The following LAMA2 variants were observed in gnomAD, a reference collection of about 807,000 sequenced individuals.
The protein encoded by LAMA2 is laminin subunit alpha 2, also known as laminin subunit alpha-2.
In LAMA2, 269 loss-of-function variants were observed where a neutral mutation model predicts 364.8. The ratio of observed to expected loss-of-function variants is 0.74; its 90% CI spans 0.67 to 0.82. The LOEUF (loss-of-function observed/expected upper bound fraction) is 0.82. Among genes scored for constraint, LAMA2 ranks in the 40% least tolerant of loss-of-function variants. The pLI is 0.00. For synonymous variants in LAMA2, 1,379 were observed against 1,370.6 expected (o/e 1.01, Z -0.14); for missense variants, 3,807 against 3,873.2 (o/e 0.98, Z 0.45).
At chr6:128,904,540 C>T (rs536694177) in intron 1 of LAMA2, among the ~76,000 whole-genome samples, 5 of 151,020 alleles carry the variant, frequency 3.3e-5, no homozygotes, top group African/African-American at 7.3e-5. Flanking sequence ...CTGCAACCTC[C>T]GCCTCCCGGG....
chr6:129,366,250 C>A lies in LAMA2; in HGVS notation c.4749C>A (p.Leu1583=), dbSNP rs754850670. ...GAGATGAGTGCACTGGCCTTCTTCT[C>A]GGTGACTTGGCTCGCCTGGAGCAGA... ...FCGDECTGLL[L]GDLARLEQMV... Residue 1583 remains leucine, a synonymous_variant, in exon 33 of 65, where the codon CTC becomes CTA. Coordinates refer to ENST00000421865, the MANE Select transcript of LAMA2 (RefSeq NM_000426.4). 3 of 1,613,892 alleles carry A rather than the reference C, an allele frequency of 1.9e-6. No individual in the cohort carries two copies. In the East Asian group the frequency reaches 6.7e-5, roughly 36 times the overall value.
intron 17 of LAMA2, among the ~76,000 whole-genome samples, chr6:129,275,511 C>G (rs759198370): frequency 6.6e-6 from 1 of 151,844 alleles, no homozygotes; most frequent in Non-Finnish European, 1.5e-5. Context: ...AATTTAATGT[C>G]AGACAAACTG....
intron 3 of LAMA2, among the ~76,000 whole-genome samples, chr6:129,064,325 A>G (rs992267222): frequency 6.6e-6 from 1 of 151,056 alleles, no homozygotes; most frequent in South Asian, 2.1e-4. Flanking sequence ...AAGAAGAAAG[A>G]TCTAAAATTA....
At position 129,453,500 on chromosome 6, in the gene LAMA2, G is replaced by A. The variant is rs148573809; in HGVS notation, c.6573+369G>A. Reference sequence around the variant, plus strand: ...AAACTAAATTACAATAAACTCTTCCGTTAATGAAATGAAAATAGCAAAGTG... The same window carrying A: ...AAACTAAATTACAATAAACTCTTCCATTAATGAAATGAAAATAGCAAAGTG... On this transcript the variant is annotated intron_variant, in intron 46 of 64. Coordinates refer to ENST00000421865, the MANE Select transcript of LAMA2 (RefSeq NM_000426.4). Among the ~76,000 whole-genome samples, 301 of 152,016 alleles carry A rather than the reference G, an allele frequency of 2.0e-3. 1 individual carries two copies. The highest frequency in any genetic ancestry group is 8.5e-4 in the Admixed American group (13 of 15,268).
chr6:129,320,183 A>G (rs1774873619), intron 27 of LAMA2, among the ~76,000 whole-genome samples: 1 of 151,962 alleles, frequency 6.6e-6, no homozygotes, highest in Non-Finnish European at 1.5e-5. Context: ...AGAAAAGAAT[A>G]GGAAGAGCAA....
At chr6:129,052,697 G>A (rs1788165627) in intron 2 of LAMA2, among the ~76,000 whole-genome samples, 1 of 151,910 alleles carries the variant, frequency 6.6e-6, no homozygotes, top group South Asian at 2.1e-4. Flanking sequence ...TTATGGGTTT[G>A]GACAAACTTA....
intron 1 of LAMA2, among the ~76,000 whole-genome samples, chr6:128,984,839 A>C (rs1783116691): frequency 6.6e-6 from 1 of 152,162 alleles, no homozygotes; most frequent in Non-Finnish European, 1.5e-5. Context: ...AAAACAACAT[A>C]AATTCCATGT....
At chr6:128,985,651 G>T (rs1049484136) in intron 1 of LAMA2, among the ~76,000 whole-genome samples, 2 of 151,890 alleles carry the variant, frequency 1.3e-5, no homozygotes, top group Non-Finnish European at 2.9e-5. Flanking sequence ...CACATTACTT[G>T]CTTCAATAAT....
At chr6:128,885,451 G>T (rs1397252592) in intron 1 of LAMA2, among the ~76,000 whole-genome samples, 1 of 152,140 alleles carries the variant, frequency 6.6e-6, no homozygotes, top group Non-Finnish European at 1.5e-5. Context: ...TTCCGGTATT[G>T]TTTGTGCTGA....
At chr6:129,325,109 C>T (rs1775195131) in intron 28 of LAMA2, among the ~76,000 whole-genome samples, 1 of 152,192 alleles carries the variant, frequency 6.6e-6, no homozygotes, top group South Asian at 2.1e-4. Flanking sequence ...TAGGTCTCTA[C>T]AGTCTGCTTC....
At chr6:129,262,681 T>C (rs1787214838) in intron 15 of LAMA2, among the ~76,000 whole-genome samples, 2 of 152,198 alleles carry the variant, frequency 1.3e-5, no homozygotes, top group Non-Finnish European at 2.9e-5. Flanking sequence ...ATCAAAACTT[T>C]CTGTCCCTAA....
chr6:128,913,431 T>C (rs1185642070), intron 1 of LAMA2, among the ~76,000 whole-genome samples: 1 of 152,238 alleles, frequency 6.6e-6, no homozygotes, highest in Admixed American at 6.5e-5. Flanking sequence ...CTCCTCAGGC[T>C]TCTGGCTGTG....
chr6:129,333,681 C>T (rs1052292417), intron 29 of LAMA2, among the ~76,000 whole-genome samples: 1 of 152,040 alleles, frequency 6.6e-6, no homozygotes, highest in Non-Finnish European at 1.5e-5. Context: ...ATTCAATAGG[C>T]AATTTGAGAG....
rs541962147 is a variant in LAMA2 at position 129,258,068 on chromosome 6, G to A, written c.2097-2643G>A. On this transcript the variant is annotated intron_variant, in intron 14 of 64. Coordinates refer to ENST00000421865, the MANE Select transcript of LAMA2 (RefSeq NM_000426.4). Reference sequence around the variant, plus strand: ...CATCCATTCATCAATTCACCCATTCGACAAAAGTCTACTGAACATGAACAT... The same window carrying A: ...CATCCATTCATCAATTCACCCATTCAACAAAAGTCTACTGAACATGAACAT... Among the ~76,000 whole-genome samples the A allele has an allele frequency of 8.6e-5, 13 of 151,838 alleles. No individual in the cohort carries two copies. The South Asian group carries it at 2.5e-3, about 29-fold the overall frequency.
At position 129,088,606 on chromosome 6, in the gene LAMA2, G is replaced by A. The variant is rs374761796; in HGVS notation, c.397-9567G>A. On this transcript the variant is annotated intron_variant, in intron 3 of 64. Coordinates refer to ENST00000421865, the MANE Select transcript of LAMA2 (RefSeq NM_000426.4). ...CTCCCTCCCGGACGGGGTGGCTGCC[G>A]GGCGGAGACGCTCCTCACTTCCCAG... Among the ~76,000 whole-genome samples the A allele has an allele frequency of 7.4e-4, 112 of 151,736 alleles. 1 individual carries two copies. The East Asian group carries it at 0.017, about 23-fold the overall frequency.
chr6:129,232,766 G>A (rs190973713), intron 12 of LAMA2, among the ~76,000 whole-genome samples: 36 of 152,250 alleles, frequency 2.4e-4, no homozygotes, highest in Non-Finnish European at 4.9e-4. Context: ...CCTTAAGGTG[G>A]GAAGATGATC....
chr6:128,963,047 G>T (rs983051357), intron 1 of LAMA2, among the ~76,000 whole-genome samples: 2 of 152,070 alleles, frequency 1.3e-5, no homozygotes, highest in Non-Finnish European at 2.9e-5. Flanking sequence ...AGCAAAACAA[G>T]ACATGATTAT....
intron 4 of LAMA2, among the ~76,000 whole-genome samples, chr6:129,126,183 A>AT (rs1777106498): frequency 6.6e-6 from 1 of 152,184 alleles, no homozygotes; most frequent in Non-Finnish European, 1.5e-5. Flanking sequence ...ACGCTGACAA[A>AT]TTTTGTTTCT....
chr6:129,144,063 C>A lies in LAMA2; in HGVS notation c.802C>A (p.Pro268Thr), dbSNP rs1347606139. Residue 268 changes from proline to threonine, a missense_variant, in exon 5 of 65, where the codon CCC (proline) becomes ACC (threonine). This residue lies in a region of LAMA2 where 394 missense variants were observed against 403.5 expected (regional missense o/e 0.98). Transcript: ENST00000421865. ...TCACAAAGACCCAAGAGAAATTGACCCCATTGTCACCAGAAGAGTAAGTTA... is the reference window on the plus strand; with the variant it reads ...TCACAAAGACCCAAGAGAAATTGACACCATTGTCACCAGAAGAGTAAGTTA... Reference protein sequence around the residue: ...FAHKDPREIDPIVTRRYYYSV... With the variant: ...FAHKDPREIDTIVTRRYYYSV... 1.9e-6 allele frequency: 3 copies of A among 1,611,624 alleles called. No homozygotes were observed. Among genetic ancestry groups the A allele is most frequent in the African/African-American group, 2.7e-5 (2 of 74,734 alleles).
Sources: allele counts gnomAD v4.1 joint callset (sites outside exome capture counted in the v4.1 genomes callset), GRCh38; gene constraint gnomAD v4.1.1; regional missense constraint gnomAD v4.1.1; transcripts MANE v1.5; gene names NCBI Gene and HGNC (gene_info 2026-07-23, HGNC 2026-07-21).